The following SCOC variants were observed in gnomAD, a reference collection of about 807,000 sequenced individuals.
SCOC encodes short coiled coil protein.
A neutral mutation model predicts 9.9 loss-of-function variants in SCOC; 7 were observed. The observed-to-expected ratio is 0.71, with a 90% CI of 0.40 to 1.33. SCOC has a LOEUF of 1.33. SCOC is among the 40% of genes most tolerant of loss of function. SCOC has a pLI of 0.01. For missense variants in SCOC, 66 were observed against 89.7 expected (o/e 0.74, Z 1.07); for synonymous variants, 19 against 28.2 (o/e 0.67, Z 1.03).
intron 3 of SCOC, among the ~76,000 whole-genome samples, chr4:140,380,147 T>G (rs1471473443): frequency 6.6e-6 from 1 of 151,946 alleles, no homozygotes; most frequent in South Asian, 2.1e-4. Context: ...TTTACAGAGT[T>G]AATAAAAGTC....
intron 2 of SCOC, among the ~76,000 whole-genome samples, chr4:140,356,915 C>T (rs1406849207): frequency 6.6e-6 from 1 of 152,038 alleles, no homozygotes; most frequent in Non-Finnish European, 1.5e-5. Flanking sequence ...TCAGTATATC[C>T]TTAGAGAAGG....
At chr4:140,355,211 T>TTATATATATATATATGATATATA (rs1553940379) in intron 2 of SCOC, among the ~76,000 whole-genome samples, 7 of 61,420 alleles carry the variant, frequency 1.1e-4, no homozygotes, top group African/African-American at 3.3e-4. Context: ...CATTATATTT[T>TTATATATATATATATGATATATA]TATATATATA....
At chr4:140,304,439 A>G (rs892056342) in intron 1 of SCOC, among the ~76,000 whole-genome samples, 1 of 152,202 alleles carries the variant, frequency 6.6e-6, no homozygotes, top group Non-Finnish European at 1.5e-5. Flanking sequence ...AACAAACCAC[A>G]AAAATAAAAG....
intron 2 of SCOC, chr4:140,366,637 T>C: frequency 6.2e-7 from 1 of 1,605,358 alleles, no homozygotes; most frequent in Non-Finnish European, 8.5e-7. Context: ...CTGCCAGGCT[T>C]GTCTGACATA....
At chr4:140,270,060 A>T (rs72714275) in intron 1 of SCOC, among the ~76,000 whole-genome samples, 432 of 152,266 alleles carry the variant, frequency 2.8e-3, no homozygotes, top group Middle Eastern at 6.8e-3. Context: ...CTAGTCACAA[A>T]CGTATCTTAA....
At chr4:140,271,425 A>G (rs1378575859) in intron 1 of SCOC, among the ~76,000 whole-genome samples, 1 of 152,224 alleles carries the variant, frequency 6.6e-6, no homozygotes, top group Non-Finnish European at 1.5e-5. Flanking sequence ...ATGCAGCTGG[A>G]TGCCACCTAT....
chr4:140,333,943 C>T (rs1732887471), intron 1 of SCOC, among the ~76,000 whole-genome samples: 1 of 152,054 alleles, frequency 6.6e-6, no homozygotes, highest in African/African-American at 2.4e-5. Flanking sequence ...TAAGAGAAAG[C>T]GTTTTGCTCT....
At chr4:140,372,323 T>C (rs1027621664), upstream of SCOC, among the ~76,000 whole-genome samples, 1 of 152,230 alleles carries the variant, frequency 6.6e-6, no homozygotes, top group Non-Finnish European at 1.5e-5. Flanking sequence ...AAACAAAAGG[T>C]TGCTTTTAAT....
At chr4:140,313,996 G>A (rs1460320280) in intron 1 of SCOC, among the ~76,000 whole-genome samples, 2 of 151,918 alleles carry the variant, frequency 1.3e-5, no homozygotes, top group African/African-American at 4.8e-5. Context: ...GGGTGTGGTG[G>A]CACTCGCCTG....
intron 1 of SCOC, among the ~76,000 whole-genome samples, chr4:140,269,749 G>A (rs546590070): frequency 2.6e-5 from 4 of 152,072 alleles, no homozygotes; most frequent in Admixed American, 2.0e-4. Flanking sequence ...ATTCACAAAG[G>A]TACCTTTTTT....
chr4:140,354,729 C>A (rs1213205220), intron 2 of SCOC, among the ~76,000 whole-genome samples: 2 of 150,336 alleles, frequency 1.3e-5, no homozygotes, highest in Non-Finnish European at 3.0e-5. Context: ...TTTTTTTAAA[C>A]CTTTTTGAGG....
upstream of SCOC, chr4:140,373,388 G>C: frequency 2.1e-6 from 3 of 1,457,606 alleles, no homozygotes; most frequent in Non-Finnish European, 2.7e-6. Context: ...GCGCCGCTTA[G>C]CTTCGCTTCT....
intron 2 of SCOC, among the ~76,000 whole-genome samples, chr4:140,352,084 C>T (rs549652176): frequency 1.1e-3 from 162 of 152,278 alleles, no homozygotes; most frequent in Admixed American, 2.7e-3. Context: ...AAGGAAGTGG[C>T]GAGCGCTGGC....
intron 2 of SCOC, among the ~76,000 whole-genome samples, chr4:140,344,286 A>T (rs113123163): frequency 6.6e-6 from 1 of 152,268 alleles, no homozygotes; most frequent in Admixed American, 6.5e-5. Flanking sequence ...AACTGGAAAC[A>T]CTTCAAACCT....
intron 1 of SCOC, among the ~76,000 whole-genome samples, chr4:140,297,396 T>G (rs1731677427): frequency 6.6e-6 from 1 of 152,124 alleles, no homozygotes; most frequent in Non-Finnish European, 1.5e-5. Context: ...TAGTTTTTCA[T>G]AACACAGAGT....
chr4:140,288,357 C>G (rs1731360653), intron 1 of SCOC, among the ~76,000 whole-genome samples: 1 of 152,042 alleles, frequency 6.6e-6, no homozygotes, highest in Non-Finnish European at 1.5e-5. Flanking sequence ...AATATATATA[C>G]TGCACTTACA....
intron 2 of SCOC, among the ~76,000 whole-genome samples, chr4:140,368,118 A>G (rs1270868569): frequency 1.3e-5 from 2 of 152,218 alleles, no homozygotes; most frequent in Non-Finnish European, 2.9e-5. Flanking sequence ...TATAGTCACA[A>G]AACTAAACTT....
chr4:140,274,981 T>C (rs1730950521), intron 1 of SCOC, among the ~76,000 whole-genome samples: 1 of 152,252 alleles, frequency 6.6e-6, no homozygotes, highest in African/African-American at 2.4e-5. Flanking sequence ...TACATTCGCA[T>C]GGAATTTTAT....
chr4:140,366,627 C>T (rs1453589505), intron 2 of SCOC: 89 of 1,606,440 alleles, frequency 5.5e-5, no homozygotes, highest in Non-Finnish European at 7.2e-5. Flanking sequence ...TGTTTGCCTT[C>T]TGCCAGGCTT....
Sources: gnomAD v4.1 joint callset for allele counts (sites outside exome capture counted in the v4.1 genomes callset) on GRCh38, gnomAD v4.1.1 for gene constraint, MANE v1.5 for transcripts, NCBI Gene and HGNC (gene_info 2026-07-23, HGNC 2026-07-21) for gene names.